PCDHA2: variants seen among roughly 807,000 people sequenced by gnomAD.
PCDHA2 encodes protocadherin alpha 2.
In PCDHA2, 58 loss-of-function variants were observed where a neutral mutation model predicts 66.0. The ratio of observed to expected loss-of-function variants is 0.88; its 90% CI spans 0.71 to 1.09. The LOEUF is 1.09. PCDHA2 is among the 50% of genes least tolerant of loss of function. The pLI is 0.00. For synonymous variants in PCDHA2, 634 were observed against 554.0 expected (o/e 1.14, Z -2.03); for missense variants, 1,267 against 1,242.3 (o/e 1.02, Z -0.30).
chr5:140,962,920 T>C (rs2095718930), intron 1 of PCDHA2, among the ~76,000 whole-genome samples: 1 of 152,186 alleles, frequency 6.6e-6, no homozygotes, highest in South Asian at 2.1e-4. Context: ...ATTTGACAGA[T>C]ACTTCTCAAC....
At chr5:140,974,108 C>A (rs977903039) in intron 1 of PCDHA2, among the ~76,000 whole-genome samples, 3 of 152,182 alleles carry the variant, frequency 2.0e-5, no homozygotes, top group African/African-American at 7.2e-5. Flanking sequence ...TAAAAGTATT[C>A]TTTTGCAGTG....
chr5:140,857,331 A>G lies in PCDHA2; in HGVS notation c.2388+59979A>G, dbSNP rs1554149861. 4 of 1,598,402 alleles carry G rather than the reference A, an allele frequency of 2.5e-6. No homozygotes were observed. Among genetic ancestry groups the G allele is most frequent in the African/African-American group, 1.3e-5 (1 of 74,458 alleles). On this transcript the variant is annotated intron_variant, in intron 1 of 3. Coordinates refer to ENST00000526136, the MANE Select transcript of PCDHA2 (RefSeq NM_018905.3). ...TATGAGCTGGTGGTGACCGCGCGGG[A>G]CGGGGGCTCGCCTCCGCTGTGGGCC...
At chr5:140,919,262 G>A (rs1482345606) in intron 1 of PCDHA2, among the ~76,000 whole-genome samples, 2 of 152,142 alleles carry the variant, frequency 1.3e-5, no homozygotes, top group African/African-American at 4.8e-5. Context: ...TCTGATATTA[G>A]TGTAGTCACT....
At position 140,871,031 on chromosome 5, in the gene PCDHA2, G is replaced by A. The variant is rs543880939; in HGVS notation, c.2388+73679G>A. ...GCCCTGGACGAGGCAGACTCGCCGC[G>A]CCACCGACTTCTAGTACTGGTGAAG... is the stretch of plus-strand genomic sequence containing the variant. On this transcript the variant is annotated intron_variant, in intron 1 of 3. Coordinates refer to ENST00000526136, the MANE Select transcript of PCDHA2 (RefSeq NM_018905.3). 3.2e-5 allele frequency: 52 copies of A among 1,613,210 alleles called. 1 individual carries two copies. In the South Asian group the frequency reaches 4.7e-4, roughly 15 times the overall value.
intron 1 of PCDHA2, chr5:140,875,494 G>A (rs1178647780): frequency 6.2e-7 from 1 of 1,613,020 alleles, no homozygotes; most frequent in Non-Finnish European, 8.5e-7. Context: ...CGGACCAAGA[G>A]GCCCGGGATC....
At position 140,928,683 on chromosome 5, in the gene PCDHA2, C is replaced by T. The variant is rs868920923; in HGVS notation, c.2389-50266C>T. ...ACAGTGGTTCTAATGCCTGGCTTTC[C>T]TACCACATCTCCCGGGCGTCTGACT... On this transcript the variant is annotated intron_variant, in intron 1 of 3. Transcript: ENST00000526136. 3.7e-6 allele frequency: 6 copies of T among 1,614,172 alleles called. No individual in the cohort carries two copies. In the Middle Eastern group the frequency reaches 6.6e-4, roughly 178 times the overall value.
At chr5:140,836,431 C>G (rs2150260872) in intron 1 of PCDHA2, 14 of 1,613,820 alleles carry the variant, frequency 8.7e-6, no homozygotes, top group Admixed American at 1.7e-5. Flanking sequence ...TCGCGGGCAT[C>G]GTTGGGCATT....
chr5:140,801,506 C>T, intron 1 of PCDHA2: 1 of 1,614,184 alleles, frequency 6.2e-7, no homozygotes. Context: ...CGGAGTGCAG[C>T]ATCCACCTGG....
chr5:140,834,278 A>G (rs1772879632), intron 1 of PCDHA2: 2 of 1,087,966 alleles, frequency 1.8e-6, no homozygotes, highest in Admixed American at 2.3e-5. Flanking sequence ...CACTCTTTGG[A>G]TGCACAACAA....
chr5:140,863,613 C>T, intron 1 of PCDHA2: 2 of 338,450 alleles, frequency 5.9e-6, no homozygotes, highest in South Asian at 4.9e-5. Flanking sequence ...TAATGTCCCT[C>T]ATAGTGACAT....
chr5:140,834,911 G>A (rs2150228953), intron 1 of PCDHA2: 44 of 1,595,108 alleles, frequency 2.8e-5, no homozygotes, highest in Non-Finnish European at 4.3e-6. Context: ...GCCCCAATGA[G>A]TATTTCTTCC....
At chr5:140,959,611 C>T (rs2095501064) in intron 1 of PCDHA2, among the ~76,000 whole-genome samples, 1 of 151,848 alleles carries the variant, frequency 6.6e-6, no homozygotes, top group Non-Finnish European at 1.5e-5. Context: ...GCTTTTCTTG[C>T]TTGTGATAGA....
At chr5:140,974,350 C>T (rs555781549) in intron 1 of PCDHA2, among the ~76,000 whole-genome samples, 1 of 152,304 alleles carries the variant, frequency 6.6e-6, no homozygotes, top group South Asian at 2.1e-4. Flanking sequence ...GCATCCAGAA[C>T]TAAACAGACC....
chr5:140,872,593 A>T (rs1214441484), intron 1 of PCDHA2, among the ~76,000 whole-genome samples: 1 of 152,160 alleles, frequency 6.6e-6, no homozygotes, highest in African/African-American at 2.4e-5. Flanking sequence ...TGAGACCCCC[A>T]TCTGAAAAAA....
chr5:140,941,936 T>G (rs901567070), intron 1 of PCDHA2, among the ~76,000 whole-genome samples: 7 of 152,362 alleles, frequency 4.6e-5, no homozygotes, highest in Non-Finnish European at 7.3e-5. Flanking sequence ...ATATTTGAAT[T>G]ACTTTTGTTT....
intron 1 of PCDHA2, among the ~76,000 whole-genome samples, chr5:140,907,186 C>A (rs782137829): frequency 1.3e-4 from 20 of 152,186 alleles, no homozygotes; most frequent in Non-Finnish European, 2.5e-4. Context: ...AGAGCATACA[C>A]AACCTTCTGG....
chr5:140,946,609 G>GAA, intron 1 of PCDHA2, among the ~76,000 whole-genome samples: 1 of 68,674 alleles, frequency 1.5e-5, no homozygotes, highest in Non-Finnish European at 2.7e-5. Flanking sequence ...AAGAAAATGT[G>GAA]AAATATATAT....
In PCDHA2 at chr5:140,875,869, T is replaced by C. The variant is rs2055890630; in HGVS notation, c.2388+78517T>C. ...GGACATTAACGACAACCCGCCGGTG[T>C]TCAGAGAAAGGGAACAAAAGGTACC... On this transcript the variant is annotated intron_variant, in intron 1 of 3. Coordinates refer to ENST00000526136, the MANE Select transcript of PCDHA2 (RefSeq NM_018905.3). 4.3e-6 allele frequency: 7 copies of C among 1,614,170 alleles called. No individual in the cohort carries two copies. The East Asian group carries it at 1.6e-4, about 36-fold the overall frequency.
At chr5:140,894,365 A>G (rs1375287003) in intron 1 of PCDHA2, among the ~76,000 whole-genome samples, 4 of 151,966 alleles carry the variant, frequency 2.6e-5, no homozygotes, top group African/African-American at 7.2e-5. Context: ...TTCTTCTTCA[A>G]TGGCTCCAAT....
Sources: gnomAD v4.1 joint callset for allele counts (sites outside exome capture counted in the v4.1 genomes callset) on GRCh38, gnomAD v4.1.1 for gene constraint, MANE v1.5 for transcripts, NCBI Gene and HGNC (gene_info 2026-07-23, HGNC 2026-07-21) for gene names.